The following CSF1R variants were observed in gnomAD, a reference collection of about 807,000 sequenced individuals.
The protein encoded by CSF1R is colony stimulating factor 1 receptor, also known as macrophage colony-stimulating factor 1 receptor.
In CSF1R, 40 loss-of-function variants were observed where a neutral mutation model predicts 110.0. The ratio of observed to expected loss-of-function variants is 0.36; its 90% confidence interval spans 0.28 to 0.47. CSF1R has a LOEUF of 0.47. CSF1R is among the 20% of genes least tolerant of loss of function. The probability of loss-of-function intolerance (pLI) is 0.99; values close to 1 mark genes in which losing one functional copy is unlikely to be tolerated. For synonymous variants in CSF1R, 523 were observed against 503.4 expected (o/e 1.04, Z -0.52); for missense variants, 1,052 against 1,253.0 (o/e 0.84, Z 2.42).
intron 1 of CSF1R, among the ~76,000 whole-genome samples, chr5:150,085,206 G>A (rs1299419620): frequency 1.3e-5 from 2 of 149,746 alleles, no homozygotes; most frequent in Non-Finnish European, 3.0e-5. Context: ...AACCCGGGAG[G>A]TGGAGGTTGC....
rs201393400 is a variant in CSF1R, at chr5:150,073,438, C to A, written c.945G>T (p.Val315=). ...TGACTTTGAGGTTGAGCCCCTCCCC[C>A]ACGGTCACCTCCTGGATGAGGTTCT... is the stretch of plus-strand genomic sequence containing the variant. The part of the protein sequence containing the change: ...SEQNLIQEVT[V]GEGLNLKVMV... The change falls in exon 6 of 21, where the codon GTG becomes GTT. Residue 315 remains valine (V), a synonymous_variant. Coordinates refer to ENST00000675795, the MANE Select transcript of CSF1R (RefSeq NM_001288705.3). The A allele has an allele frequency of 5.6e-6, 9 of 1,614,028 alleles. No homozygotes were observed. In the South Asian group the frequency reaches 7.7e-5, roughly 14 times the overall value.
chr5:150,055,968 G>T, intron 18 of CSF1R, 58 bp downstream of exon 18: 1 of 1,505,822 alleles, frequency 6.6e-7, no homozygotes, highest in Non-Finnish European at 9.2e-7. Flanking sequence ...TTGTCCACCA[G>T]TGGGGCAACC....
In CSF1R at chr5:150,053,345, T is replaced by G. The variant is rs1167937032; in HGVS notation, c.*724A>C. On this transcript the variant is annotated 3_prime_UTR_variant, in exon 21 of 21. Coordinates refer to ENST00000675795, the MANE Select transcript of CSF1R (RefSeq NM_001288705.3). Reference sequence around the variant, plus strand: ...GGACAGAGACATCCCACGGCGTGACTGTTAGTTAGGATGAGTCAGCTTGGG... The same window carrying G: ...GGACAGAGACATCCCACGGCGTGACGGTTAGTTAGGATGAGTCAGCTTGGG... 3 of 233,536 alleles carry G rather than the reference T, an allele frequency of 1.3e-5. No individual in the cohort carries two copies. The highest frequency in any genetic ancestry group is 1.7e-5 in the Non-Finnish European group (2 of 118,082). 14.5% of individuals were successfully genotyped at this position (233,536 alleles called of 1,614,324 possible). A position where few individuals can be genotyped will look rare whatever the true frequency, so the allele number is the denominator to read the frequency against.
chr5:150,069,622 G>A (rs966715863), intron 9 of CSF1R, among the ~76,000 whole-genome samples: 2 of 152,124 alleles, frequency 1.3e-5, no homozygotes, highest in Non-Finnish European at 2.9e-5. Flanking sequence ...GGACAAGAGT[G>A]GGGGCCAGTT....
Position 150,060,899 on chromosome 5 carries a change from C to T in CSF1R, c.1932G>A (p.Glu644=), listed in dbSNP as rs760760300. The change falls in exon 13 of 21, where the codon GAG becomes GAA. Residue 644 remains glutamate, a synonymous_variant. Transcript: ENST00000675795. The part of the protein sequence containing the change: ...LKIMSHLGQH[E]NIVNLLGACT... ...AGGCTCCCAGAAGGTTGACGATGTT[C>T]TCGTGCTGGCCCAGGTGGCTCATGA... is the stretch of plus-strand genomic sequence containing the variant. 7.4e-6 allele frequency: 12 copies of T among 1,611,412 alleles called. No homozygotes were observed. In the East Asian group the frequency reaches 2.2e-4, roughly 30 times the overall value.
chr5:150,099,911 A>G (rs548573668), intron 1 of CSF1R, among the ~76,000 whole-genome samples: 411 of 152,364 alleles, frequency 2.7e-3, no homozygotes, highest in African/African-American at 9.2e-3. Context: ...AAAAATGTAA[A>G]GGGCCAGGAA....
In CSF1R at chr5:150,105,347, C is replaced by CAAAAAA. The variant is rs780403646; in HGVS notation, c.-181+7908_-181+7913dup. Among the ~76,000 whole-genome samples, 461 of 76,494 alleles carry CAAAAAA rather than the reference C, an allele frequency of 6.0e-3. 2 individuals carry two copies. The highest frequency in any genetic ancestry group is 0.023 in the African/African-American group (378 of 16,532). 50.2% of individuals were successfully genotyped at this position (76,494 alleles called of 152,430 possible). The stretch of plus-strand genomic sequence containing the variant: ...TGGGTGACAGAGAGAGACTCTGTCT[C>CAAAAAA]AAAAAAAAAAAAAAAAATATATATA... On this transcript the variant is annotated intron_variant, in intron 1 of 21. Transcript: ENST00000286301.
At chr5:150,064,329 G>A (rs958079074) in intron 10 of CSF1R, among the ~76,000 whole-genome samples, 4 of 152,192 alleles carry the variant, frequency 2.6e-5, no homozygotes, top group Non-Finnish European at 4.4e-5. Context: ...GAGAGACAGG[G>A]AGAAAGCTTC....
rs1464430892 is a variant in CSF1R at position 150,094,456 on chromosome 5, A to C, written c.-180-7849T>G. On this transcript the variant is annotated intron_variant, in intron 1 of 21. Coordinates refer to the CSF1R transcript ENST00000286301. ...AAGGCAAGGAGGAAGCTTATCTATG[A>C]AAAAGCAAAGCACTATCACAAGGAA... 285 of 1,597,828 alleles carry C rather than the reference A, an allele frequency of 1.8e-4. 1 individual carries two copies. Among genetic ancestry groups the C allele is most frequent in the Non-Finnish European group, 1.4e-5 (17 of 1,178,176 alleles).
chr5:150,086,710 T>C, upstream of CSF1R: 1 of 404,878 alleles, frequency 2.5e-6, no homozygotes, highest in South Asian at 4.6e-5. Flanking sequence ...AGGGCCAGCC[T>C]GAGCTTGGGG....
chr5:150,059,698 A>G lies in CSF1R; in HGVS notation c.2132+2T>C, dbSNP rs2113787194. On this transcript the variant is annotated splice_donor_variant, in intron 14 of 20. Coordinates refer to ENST00000675795, the MANE Select transcript of CSF1R (RefSeq NM_001288705.3). LOFTEE classifies it high-confidence loss of function. ...TTTTTCTTGTCCTTTGCCAGGGGCT[A>G]CCTGCGGACATATTTCTTCTCGAGG... is the stretch of plus-strand genomic sequence containing the variant. The G allele has an allele frequency of 6.2e-7, 1 of 1,613,394 alleles. No individual in the cohort carries two copies. The highest frequency in any genetic ancestry group is 2.2e-5 in the East Asian group (1 of 44,852).
chr5:150,099,495 T>C (rs530389363), intron 1 of CSF1R, among the ~76,000 whole-genome samples: 1 of 152,200 alleles, frequency 6.6e-6, no homozygotes, highest in East Asian at 1.9e-4. Context: ...CCTTAGCTGT[T>C]AAATGGATAA....
chr5:150,077,339 A>C lies in CSF1R; in HGVS notation c.826T>G (p.Tyr276Asp). The C allele has an allele frequency of 6.2e-7, 1 of 1,614,196 alleles. No homozygotes were observed. Among genetic ancestry groups the C allele is most frequent in the Non-Finnish European group, 8.5e-7 (1 of 1,180,022 alleles). ...DQVDFQHAGNYSCVASNVQGK... is the reference protein window; with the variant it reads ...DQVDFQHAGNDSCVASNVQGK... ...TGCACGTTGCTGGCCACGCAGGAGT[A>C]GTTGCCGGCATGTTGGAAATCTACT... is the stretch of plus-strand genomic sequence containing the variant. The change falls in exon 5 of 21, where the codon TAC becomes GAC. Residue 276 changes from tyrosine (Y) to aspartate (D), a missense_variant. This residue lies in a region of CSF1R where 693 missense variants were observed against 735.4 expected (regional missense o/e 0.94). Transcript: ENST00000675795.
intron 1 of CSF1R, among the ~76,000 whole-genome samples, chr5:150,108,383 T>C (rs1759615773): frequency 6.6e-6 from 1 of 152,078 alleles, no homozygotes; most frequent in African/African-American, 2.4e-5. Context: ...AGGAAGCTAG[T>C]GGCCCACACA....
At chr5:150,063,216 A>T (rs11738211) in intron 10 of CSF1R, among the ~76,000 whole-genome samples, 2 of 152,090 alleles carry the variant, frequency 1.3e-5, no homozygotes, top group Non-Finnish European at 2.9e-5. Flanking sequence ...GTCGCAGCCT[A>T]GGCTGGTCTT....
chr5:150,055,190 C>A (rs1035732401), intron 19 of CSF1R, 47 bp downstream of exon 19: 4 of 1,554,592 alleles, frequency 2.6e-6, no homozygotes, highest in African/African-American at 2.7e-5. Flanking sequence ...CCCTTTCCAG[C>A]GAAAGCCTGG....
intron 1 of CSF1R, among the ~76,000 whole-genome samples, chr5:150,092,004 A>G (rs758017860): frequency 9.9e-5 from 15 of 152,228 alleles, no homozygotes; most frequent in Non-Finnish European, 1.9e-4. Flanking sequence ...TGCTTTTTAA[A>G]TGCTTGAAAA....
intron 1 of CSF1R, among the ~76,000 whole-genome samples, chr5:150,107,958 C>T (rs1318094315): frequency 6.6e-6 from 1 of 152,182 alleles, no homozygotes; most frequent in African/African-American, 2.4e-5. Flanking sequence ...TTGTCAGAGC[C>T]AGGAGAGGAA....
chr5:150,056,309 C>T lies in CSF1R; in HGVS notation c.2352G>A (p.Val784=), dbSNP rs1361729413. ...TGGCCACATGACCATTGGTCAACAG[C>T]ACGTTACGCGCTGCCACGTCCCGGT... The part of the protein sequence containing the change: ...CIHRDVAARN[V]LLTNGHVAKI... The change falls in exon 17 of 21, where the codon GTG becomes GTA. Residue 784 remains valine, a synonymous_variant. Transcript: ENST00000675795. 1 of 1,614,188 alleles carries T rather than the reference C, an allele frequency of 6.2e-7. No individual in the cohort carries two copies.
Sources: allele counts gnomAD v4.1 joint callset (sites outside exome capture counted in the v4.1 genomes callset), GRCh38; gene constraint gnomAD v4.1.1; regional missense constraint gnomAD v4.1.1; transcripts MANE v1.5; gene names NCBI Gene and HGNC (gene_info 2026-07-23, HGNC 2026-07-21).